The following SIL1 variants were observed in gnomAD, a reference collection of about 807,000 sequenced individuals.
The protein encoded by SIL1 is nucleotide exchange factor SIL1.
In SIL1, 40 loss-of-function variants were observed where a neutral mutation model predicts 49.1. The ratio of observed to expected loss-of-function variants is 0.81; its 90% confidence interval spans 0.63 to 1.06. The LOEUF (loss-of-function observed/expected upper bound fraction) is 1.06, where lower values mean the gene tolerates loss of function less well. Ranked by LOEUF, SIL1 falls within the 50% of genes least tolerant of loss-of-function variation. SIL1 has a pLI of 0.00. For missense variants in SIL1, 500 were observed against 572.6 expected (o/e 0.87, Z 1.29); for synonymous variants, 253 against 250.8 (o/e 1.01, Z -0.08).
At chr5:139,121,436 T>G (rs1256320708) in intron 2 of SIL1, among the ~76,000 whole-genome samples, 1 of 152,182 alleles carries the variant, frequency 6.6e-6, no homozygotes, top group Non-Finnish European at 1.5e-5. Context: ...GAAGATCCCA[T>G]GTATCTTGAG....
At chr5:139,127,102 G>A (rs1305488346) in intron 2 of SIL1, among the ~76,000 whole-genome samples, 1 of 152,234 alleles carries the variant, frequency 6.6e-6, no homozygotes, top group African/African-American at 2.4e-5. Flanking sequence ...CCTGCCAGTG[G>A]CAATGGCAGA....
intron 3 of SIL1, among the ~76,000 whole-genome samples, chr5:139,057,007 G>T (rs1180455816): frequency 2.6e-5 from 4 of 152,100 alleles, no homozygotes; most frequent in African/African-American, 7.2e-5. Flanking sequence ...CCTGTTGATG[G>T]GTGACCTTAC....
At chr5:139,181,479 C>G (rs1751982399) in intron 1 of SIL1, among the ~76,000 whole-genome samples, 1 of 152,186 alleles carries the variant, frequency 6.6e-6, no homozygotes, top group Admixed American at 6.5e-5. Flanking sequence ...ACAGCACACA[C>G]CATCACAAGA....
chr5:139,017,983 C>T (rs1454397195), intron 7 of SIL1, among the ~76,000 whole-genome samples: 1 of 152,150 alleles, frequency 6.6e-6, no homozygotes, highest in Admixed American at 6.6e-5. Flanking sequence ...CTGCTAAAAG[C>T]ATCAGCACCC....
intron 8 of SIL1, 112 bp from the exon 9 acceptor site, chr5:138,951,447 C>T: frequency 8.9e-7 from 1 of 1,129,104 alleles, no homozygotes; most frequent in Non-Finnish European, 1.3e-6. Flanking sequence ...CTCCCGGCCC[C>T]ACCTCAGTTA....
intron 7 of SIL1, among the ~76,000 whole-genome samples, chr5:138,993,853 G>T (rs984720505): frequency 1.3e-5 from 2 of 152,176 alleles, no homozygotes; most frequent in Non-Finnish European, 2.9e-5. Context: ...CAATGCAGAG[G>T]ACCCGACAAA....
chr5:139,097,303 G>A (rs1655150175), intron 3 of SIL1, among the ~76,000 whole-genome samples: 1 of 151,968 alleles, frequency 6.6e-6, no homozygotes, highest in African/African-American at 2.4e-5. Flanking sequence ...GAAGGATATG[G>A]GCCTGGCTGG....
chr5:138,986,492 C>T (rs1462057478), intron 7 of SIL1, among the ~76,000 whole-genome samples: 4 of 152,154 alleles, frequency 2.6e-5, no homozygotes, highest in Admixed American at 6.5e-5. Context: ...AAATGGGAAC[C>T]GTCTGGTGCA....
intron 7 of SIL1, among the ~76,000 whole-genome samples, chr5:138,968,293 G>A (rs1767193415): frequency 6.6e-6 from 1 of 152,154 alleles, no homozygotes; most frequent in African/African-American, 2.4e-5. Flanking sequence ...ATATGCTTCA[G>A]AAGCAGTGAC....
chr5:139,065,346 G>A (rs1769681731), intron 3 of SIL1, among the ~76,000 whole-genome samples: 1 of 152,116 alleles, frequency 6.6e-6, no homozygotes, highest in Non-Finnish European at 1.5e-5. Context: ...AATCAAAGAG[G>A]CCATATCCAG....
rs1304428863 is a variant in SIL1, at chr5:138,951,231, C to G, written c.969G>C (p.Lys323Asn). 6.2e-7 allele frequency: 1 copy of G among 1,605,570 alleles called. No homozygotes were observed. Among genetic ancestry groups the G allele is most frequent in the African/African-American group, 1.3e-5 (1 of 74,758 alleles). Residue 323 changes from lysine to asparagine, a missense_variant, in exon 9 of 10, where the codon AAG becomes AAC. Lys to Asn is a moderately conservative substitution (Grantham distance 94). Transcript: ENST00000394817. ...LQVLRTLVQEKGTEVLAVRVV... is the reference protein window; with the variant it reads ...LQVLRTLVQENGTEVLAVRVV... ...CGCGCACGGCGAGCACCTCCGTGCC[C>G]TTCTCCTGCACCAGGGTCCTCAGGA...
chr5:139,055,805 CG>C (rs1432011741), intron 3 of SIL1, among the ~76,000 whole-genome samples: 61,682 of 147,560 alleles, frequency 0.42, 13,703 homozygotes, highest in African/African-American at 0.58. Flanking sequence ...CGAGTGCCTG[CG>C]ATTGCAGGCA....
intron 3 of SIL1, among the ~76,000 whole-genome samples, chr5:139,059,203 G>T (rs571080549): frequency 1.3e-5 from 2 of 152,230 alleles, no homozygotes; most frequent in East Asian, 3.9e-4. Flanking sequence ...CACCTGGTAG[G>T]AGGTAATTAA....
chr5:139,163,283 C>G (rs1751552797), intron 1 of SIL1, among the ~76,000 whole-genome samples: 1 of 152,128 alleles, frequency 6.6e-6, no homozygotes. Flanking sequence ...AAGATGGAAA[C>G]TGACTTTTCA....
At chr5:139,052,482 C>G (rs967574883) in intron 3 of SIL1, among the ~76,000 whole-genome samples, 1 of 152,062 alleles carries the variant, frequency 6.6e-6, no homozygotes, top group African/African-American at 2.4e-5. Flanking sequence ...GTCAGGAGTT[C>G]GAGACCAGCC....
At chr5:139,072,696 C>T (rs569378851) in intron 3 of SIL1, among the ~76,000 whole-genome samples, 2 of 152,034 alleles carry the variant, frequency 1.3e-5, no homozygotes, top group East Asian at 3.9e-4. Context: ...GCATCAAAAG[C>T]AAAAATAGAC....
At chr5:139,170,002 G>A (rs527662895) in intron 1 of SIL1, among the ~76,000 whole-genome samples, 37 of 152,352 alleles carry the variant, frequency 2.4e-4, no homozygotes, top group African/African-American at 7.9e-4. Context: ...AAGTGCCTGC[G>A]ATTACAGGCG....
intron 4 of SIL1, among the ~76,000 whole-genome samples, chr5:139,043,553 G>T (rs371975869): frequency 2.0e-5 from 3 of 152,280 alleles, no homozygotes; most frequent in Admixed American, 1.3e-4. Context: ...CCTGACCAAG[G>T]AATGGATTTG....
intron 3 of SIL1, among the ~76,000 whole-genome samples, chr5:139,101,608 T>C (rs57976428): frequency 0.05 from 7,618 of 152,280 alleles, 617 homozygotes; most frequent in African/African-American, 0.17. Flanking sequence ...ACATAGCAAG[T>C]GCTCAATAAA....
Sources: gnomAD v4.1 joint callset for allele counts (sites outside exome capture counted in the v4.1 genomes callset) on GRCh38, gnomAD v4.1.1 for gene constraint, MANE v1.5 for transcripts, NCBI Gene and HGNC (gene_info 2026-07-23, HGNC 2026-07-21) for gene names.